LPCAT2: variants seen among roughly 807,000 people sequenced by gnomAD.
LPCAT2 encodes the protein 1-AGP acyltransferase 11.
Under a neutral mutation model 64.7 loss-of-function variants are expected in LPCAT2, and 58 were observed. The ratio of observed to expected loss-of-function variants is 0.90; its 90% CI spans 0.73 to 1.12. The LOEUF (loss-of-function observed/expected upper bound fraction) is 1.12, where lower values mean the gene tolerates loss of function less well. Ranked by LOEUF, LPCAT2 falls within the 50% of genes most tolerant of loss-of-function variation. The pLI is 0.00. For synonymous variants in LPCAT2, 252 were observed against 245.3 expected (o/e 1.03, Z -0.26); for missense variants, 579 against 669.8 (o/e 0.86, Z 1.50).
At chr16:55,525,420 A>C (rs1217100354) in intron 1 of LPCAT2, 88 bp from the exon 2 acceptor site, 3 of 1,252,604 alleles carry the variant, frequency 2.4e-6, no homozygotes, top group Non-Finnish European at 3.4e-6. Flanking sequence ...CATGAACACC[A>C]TAAAACTTTC....
intron 1 of LPCAT2, among the ~76,000 whole-genome samples, chr16:55,517,049 TAAAAC>T (rs1221496092): frequency 6.6e-6 from 1 of 151,582 alleles, no homozygotes; most frequent in Non-Finnish European, 1.5e-5. Context: ...AAAGTAATAA[TAAAAC>T]AATAGAGAAA....
chr16:55,545,613 A>G, intron 8 of LPCAT2, 122 bp from the exon 9 acceptor site: 4 of 664,628 alleles, frequency 6.0e-6, no homozygotes, highest in Non-Finnish European at 1.0e-5. Context: ...CCATTACCTC[A>G]TATAACCTAT....
chr16:55,532,554 G>T, intron 5 of LPCAT2: 1 of 191,414 alleles, frequency 5.2e-6, no homozygotes, highest in Admixed American at 5.9e-5. Flanking sequence ...CTTGGAAAAT[G>T]AAAAAAAGTG....
intron 11 of LPCAT2, among the ~76,000 whole-genome samples, chr16:55,569,799 C>T (rs1173939531): frequency 6.6e-6 from 1 of 152,060 alleles, no homozygotes; most frequent in African/African-American, 2.4e-5. Flanking sequence ...TCCAAGTAAC[C>T]AAATATTTAG....
intron 1 of LPCAT2, among the ~76,000 whole-genome samples, chr16:55,522,195 A>G (rs1963106944): frequency 6.6e-6 from 1 of 151,734 alleles, no homozygotes; most frequent in South Asian, 2.1e-4. Flanking sequence ...ACATTTATAT[A>G]CTATAGGAGC....
intron 11 of LPCAT2, among the ~76,000 whole-genome samples, chr16:55,554,630 T>G (rs1963554524): frequency 6.6e-6 from 1 of 152,228 alleles, no homozygotes; most frequent in Non-Finnish European, 1.5e-5. Context: ...GTGTGTTCAC[T>G]GGGGTAGCAC....
chr16:55,574,784 T>C, intron 12 of LPCAT2, 55 bp downstream of exon 12: 1 of 1,229,688 alleles, frequency 8.1e-7, no homozygotes, highest in Non-Finnish European at 1.2e-6. Flanking sequence ...AAGTGTTGAC[T>C]CTAAGTGTAT....
rs1962893577 is a variant in LPCAT2, at chr16:55,509,474, G to A, written c.171+122G>A. ...CCGAGGGGGGCGTGGGTCTGAGGGAGTGAGGTGGTCCGAGGCGGGCGAGAG... is the reference window on the plus strand; with the variant it reads ...CCGAGGGGGGCGTGGGTCTGAGGGAATGAGGTGGTCCGAGGCGGGCGAGAG... On this transcript the variant is annotated intron_variant, in intron 1 of 13. Coordinates refer to ENST00000262134, the MANE Select transcript of LPCAT2 (RefSeq NM_017839.5). 3.7e-6 allele frequency: 4 copies of A among 1,081,500 alleles called. No homozygotes were observed. The South Asian group carries it at 1.1e-4, about 29-fold the overall frequency. The allele number at this position is 1,081,500 out of a possible 1,614,324, so 67.0% of individuals were successfully genotyped here. A position where few individuals can be genotyped will look rare whatever the true frequency, so the allele number is the denominator to read the frequency against.
At chr16:55,544,814 G>GT (rs1490953003) in intron 8 of LPCAT2, among the ~76,000 whole-genome samples, 9 of 151,806 alleles carry the variant, frequency 5.9e-5, no homozygotes, top group South Asian at 2.1e-4. Flanking sequence ...GAAAATAAGG[G>GT]TTTTTTTTGA....
intron 11 of LPCAT2, among the ~76,000 whole-genome samples, chr16:55,562,447 G>A (rs910995713): frequency 3.3e-5 from 5 of 151,844 alleles, no homozygotes; most frequent in South Asian, 2.1e-4. Flanking sequence ...GCGTGACCTT[G>A]GATAACTAGC....
At chr16:55,581,408 C>G (rs1422378993) in intron 13 of LPCAT2, among the ~76,000 whole-genome samples, 1 of 152,112 alleles carries the variant, frequency 6.6e-6, no homozygotes, top group Non-Finnish European at 1.5e-5. Flanking sequence ...TTTATTAATG[C>G]AAAACAACAT....
chr16:55,550,921 A>T, intron 10 of LPCAT2, 28 bp from the exon 11 acceptor site: 1 of 1,527,140 alleles, frequency 6.5e-7, no homozygotes, highest in South Asian at 1.3e-5. Flanking sequence ...GGCTAATAAC[A>T]TGTATCTATA....
intron 11 of LPCAT2, among the ~76,000 whole-genome samples, chr16:55,566,054 C>T (rs1370028257): frequency 6.6e-6 from 1 of 152,114 alleles, no homozygotes; most frequent in Non-Finnish European, 1.5e-5. Flanking sequence ...GAGATGTGTG[C>T]AGTCTGTGAA....
At chr16:55,581,098 C>T (rs1375933345) in intron 13 of LPCAT2, among the ~76,000 whole-genome samples, 14 of 152,316 alleles carry the variant, frequency 9.2e-5, no homozygotes, top group African/African-American at 3.4e-4. Context: ...AATCACAGGA[C>T]TTCCAGCAAT....
intron 11 of LPCAT2, among the ~76,000 whole-genome samples, chr16:55,560,383 T>C (rs1041271460): frequency 1.1e-4 from 16 of 152,100 alleles, no homozygotes; most frequent in Non-Finnish European, 1.9e-4. Context: ...TCTGTGTTAT[T>C]CTAGACGAGG....
chr16:55,539,693 T>A (rs376287078), intron 8 of LPCAT2: 1 of 152,144 alleles, frequency 6.6e-6, no homozygotes. Context: ...GGCTCCAGCT[T>A]TTCCACTACG....
At chr16:55,578,282 T>C (rs1475798358) in intron 12 of LPCAT2, among the ~76,000 whole-genome samples, 2 of 152,212 alleles carry the variant, frequency 1.3e-5, no homozygotes, top group Non-Finnish European at 1.5e-5. Flanking sequence ...TTTCCTAAAA[T>C]GATATTCTGA....
intron 7 of LPCAT2, 79 bp downstream of exon 7, chr16:55,534,556 TA>T: frequency 1.5e-6 from 1 of 675,380 alleles, no homozygotes; most frequent in African/African-American, 1.9e-5. Flanking sequence ...ATTCATTCTT[TA>T]AAAAAGTATT....
At chr16:55,521,250 A>C (rs941526003) in intron 1 of LPCAT2, among the ~76,000 whole-genome samples, 2 of 151,824 alleles carry the variant, frequency 1.3e-5, no homozygotes, top group South Asian at 4.1e-4. Flanking sequence ...AAATGGACAA[A>C]AATCCAGTGT....
Sources: allele counts gnomAD v4.1 joint callset (sites outside exome capture counted in the v4.1 genomes callset), GRCh38; gene constraint gnomAD v4.1.1; transcripts MANE v1.5; gene names NCBI Gene and HGNC (gene_info 2026-07-23, HGNC 2026-07-21).